Variants in COL18A1 observed in about 807,000 individuals in gnomAD.
The protein encoded by COL18A1 is collagen type XVIII alpha 1 chain.
Under a neutral mutation model 168.0 loss-of-function variants are expected in COL18A1, and 133 were observed. The observed-to-expected ratio is 0.79, with a 90% confidence interval of 0.69 to 0.91. COL18A1 has a LOEUF of 0.91. Among genes scored for constraint, COL18A1 ranks in the 40% least tolerant of loss-of-function variants. The probability of loss-of-function intolerance (pLI) is 0.00; values close to 1 mark genes in which losing one functional copy is unlikely to be tolerated. For missense variants in COL18A1, 2,126 were observed against 1,925.4 expected (o/e 1.10, Z -1.95); for synonymous variants, 949 against 809.0 (o/e 1.17, Z -2.94).
At chr21:45,433,030 A>G (rs1227031455) in intron 2 of COL18A1, among the ~76,000 whole-genome samples, 1 of 152,256 alleles carries the variant, frequency 6.6e-6, no homozygotes, top group Non-Finnish European at 1.5e-5. Flanking sequence ...AGGTTCTAGA[A>G]AAAACAGCAG....
intron 7 of COL18A1, 51 bp from the exon 8 acceptor site, chr21:45,477,699 G>A (rs1246817381): frequency 2.1e-6 from 3 of 1,462,678 alleles, no homozygotes; most frequent in Non-Finnish European, 2.8e-6. Flanking sequence ...ACGTGGGCAG[G>A]GTGTGTGGGG....
At chr21:45,465,607 C>T (rs1297895606) in intron 2 of COL18A1, among the ~76,000 whole-genome samples, 2 of 152,308 alleles carry the variant, frequency 1.3e-5, no homozygotes, top group East Asian at 3.9e-4. Context: ...GGGCTGAGAG[C>T]ACTCCATGTG....
intron 40 of COL18A1, 34 bp from the exon 41 acceptor site, chr21:45,511,076 AC>A: frequency 4.3e-6 from 4 of 930,260 alleles, no homozygotes; most frequent in Non-Finnish European, 6.1e-6. Context: ...ACACCCCCAC[AC>A]ACCACACACA....
chr21:45,504,869 T>C (rs928388012), intron 34 of COL18A1, among the ~76,000 whole-genome samples: 1 of 151,914 alleles, frequency 6.6e-6, no homozygotes, highest in East Asian at 1.9e-4. Context: ...CCTGAAAGAC[T>C]CCAGAGAGCC....
Position 45,479,958 on chromosome 21 carries a change from C to G in COL18A1, c.1305C>G (p.Gly435=), listed in dbSNP as rs1131102. 42 of 1,613,470 alleles carry G rather than the reference C, an allele frequency of 2.6e-5. No individual in the cohort carries two copies. The highest frequency in any genetic ancestry group is 3.5e-5 in the Non-Finnish European group (41 of 1,179,876). The change falls in exon 10 of 42, where the codon GGC becomes GGG. Residue 435 remains glycine (G), a synonymous_variant. Coordinates refer to ENST00000651438, the MANE Select transcript of COL18A1 (RefSeq NM_001379500.1). The part of the protein sequence containing the change: ...PGTPGDVGPK[G]DKGDPGVGER... Reference sequence around the variant, plus strand: ...CTCCAGGGGACGTAGGTCCCAAGGGCGACAAGGTGAGTCTCCGTGGCTGGG... The same window carrying G: ...CTCCAGGGGACGTAGGTCCCAAGGGGGACAAGGTGAGTCTCCGTGGCTGGG...
In COL18A1 at chr21:45,487,432, G is replaced by T; in HGVS notation, c.1834-15G>T. The T allele has an allele frequency of 6.2e-7, 1 of 1,612,338 alleles. No individual in the cohort carries two copies. The highest frequency in any genetic ancestry group is 1.1e-5 in the South Asian group (1 of 91,058). ...AGGGACACAGGCCCCTACGTGTCTC[G>T]TGTGTCTCTTCCAGGATGACATGGA... On this transcript the variant is annotated splice_polypyrimidine_tract_variant and intron_variant, in intron 16 of 41. Transcript: ENST00000651438.
chr21:45,510,030 G>C (rs1039398372), intron 39 of COL18A1, 34 bp from the exon 40 acceptor site: 2 of 1,536,990 alleles, frequency 1.3e-6, no homozygotes, highest in Non-Finnish European at 1.7e-6. Context: ...GGGCAGCGTG[G>C]GACACAGCCC....
At chr21:45,484,924 T>A (rs2036055755) in intron 15 of COL18A1, among the ~76,000 whole-genome samples, 1 of 152,156 alleles carries the variant, frequency 6.6e-6, no homozygotes, top group Non-Finnish European at 1.5e-5. Context: ...GTAACATGAA[T>A]GAGAATTCTA....
intron 15 of COL18A1, among the ~76,000 whole-genome samples, chr21:45,485,720 C>G (rs892208890): frequency 6.6e-6 from 1 of 152,162 alleles, no homozygotes; most frequent in African/African-American, 2.4e-5. Context: ...TCGAGGATCA[C>G]CTTGGCGGGT....
At chr21:45,490,736 GAAAT>G (rs932697721) in intron 20 of COL18A1, 96 bp from the exon 21 acceptor site, 3 of 1,314,006 alleles carry the variant, frequency 2.3e-6, no homozygotes, top group African/African-American at 3.0e-5. Context: ...AGCCGGTCGG[GAAAT>G]AAAGAACCCC....
rs899119767 is a variant in COL18A1, at chr21:45,457,845, G to A, written c.107-10397G>A. Among the ~76,000 whole-genome samples, 1 of 152,180 alleles carries A rather than the reference G, an allele frequency of 6.6e-6. No homozygotes were observed. On this transcript the variant is annotated intron_variant, in intron 2 of 41. Coordinates refer to ENST00000651438, the MANE Select transcript of COL18A1 (RefSeq NM_001379500.1). This position sits in a 1 kb window ranked among gnomAD's most constrained non-coding sequence, Gnocchi z 4.6. ...ACAGGGTTGGTGGGGGTTAGCAGCT[G>A]TGCCGGACCTGGAGGTGGGGGTGCC...
At chr21:45,417,328 C>T (rs897571224) in intron 2 of COL18A1, among the ~76,000 whole-genome samples, 7 of 152,194 alleles carry the variant, frequency 4.6e-5, no homozygotes, top group Non-Finnish European at 7.3e-5. Flanking sequence ...CTCCTTCTGG[C>T]GCTTGCTTCT....
At chr21:45,456,488 T>G in intron 2 of COL18A1, 2 of 1,547,900 alleles carry the variant, frequency 1.3e-6, no homozygotes, top group Non-Finnish European at 1.7e-6. Flanking sequence ...TGCTAATAAC[T>G]CTGCCCTGCT....
rs112255154 is a variant in COL18A1 at position 45,415,465 on chromosome 21, C to T, written c.106+9992C>T. ...ACACCCAGGGCTCAGAGCTCAGGAC[C>T]GGCTGCCACGGGTGGGGCAGGAGGA... On this transcript the variant is annotated intron_variant, in intron 2 of 41. Coordinates refer to ENST00000651438, the MANE Select transcript of COL18A1 (RefSeq NM_001379500.1). Among the ~76,000 whole-genome samples the T allele has an allele frequency of 6.5e-3, 995 of 152,168 alleles. 9 individuals are homozygous for T. Among genetic ancestry groups the T allele is most frequent in the African/African-American group, 0.021 (857 of 41,510 alleles).
At chr21:45,509,677 G>C in intron 39 of COL18A1, 76 bp downstream of exon 39, 1 of 850,148 alleles carries the variant, frequency 1.2e-6, no homozygotes, top group South Asian at 1.4e-5. Context: ...CCCAGCCCCT[G>C]CAGAGCTGCT....
intron 2 of COL18A1, chr21:45,456,630 G>A (rs1383589443): frequency 3.9e-6 from 6 of 1,538,508 alleles, no homozygotes; most frequent in Admixed American, 2.0e-5. Context: ...GAGCAGGTGC[G>A]GGCCGGGGCA....
chr21:45,470,635 T>C (rs2035388034), intron 3 of COL18A1, among the ~76,000 whole-genome samples: 2 of 151,942 alleles, frequency 1.3e-5, no homozygotes, highest in Non-Finnish European at 2.9e-5. Flanking sequence ...TACAGGCACC[T>C]GCCACCATGC....
chr21:45,444,412 A>G (rs73909530), intron 2 of COL18A1, among the ~76,000 whole-genome samples: 7,824 of 151,900 alleles, frequency 0.052, 305 homozygotes, highest in African/African-American at 0.11. Context: ...CGTGTGGGTG[A>G]TGTGCGGGGT....
At chr21:45,493,072 G>A in intron 24 of COL18A1, 91 bp from the exon 25 acceptor site, 3 of 1,321,312 alleles carry the variant, frequency 2.3e-6, no homozygotes, top group Middle Eastern at 2.5e-4. Context: ...CAGGCATATT[G>A]CGGGGGGCAG....
Sources: allele counts gnomAD v4.1 joint callset (sites outside exome capture counted in the v4.1 genomes callset), GRCh38; gene constraint gnomAD v4.1.1; non-coding constraint Gnocchi (gnomAD v3.1); transcripts MANE v1.5; gene names NCBI Gene and HGNC (gene_info 2026-07-23, HGNC 2026-07-21).